VCL: variants seen among roughly 807,000 people sequenced by gnomAD.
VCL encodes the protein vinculin.
In VCL, 47 loss-of-function variants were observed where a neutral mutation model predicts 125.7. The ratio of observed to expected loss-of-function variants is 0.37; its 90% CI spans 0.30 to 0.48. The LOEUF is 0.48. Among genes scored for constraint, VCL ranks in the 20% least tolerant of loss-of-function variants. The pLI is 0.99. For synonymous variants in VCL, 458 were observed against 514.6 expected (o/e 0.89, Z 1.49); for missense variants, 1,069 against 1,455.5 (o/e 0.73, Z 4.32).
intron 8 of VCL, among the ~76,000 whole-genome samples, chr10:74,087,255 T>C (rs1311475032): frequency 6.6e-6 from 1 of 151,674 alleles, no homozygotes; most frequent in Non-Finnish European, 1.5e-5. Flanking sequence ...AATAAATGAA[T>C]GATTCATTAC....
rs201020802 is a variant in VCL, at chr10:74,072,856, C to G, written c.622+4C>G. 2.1e-5 allele frequency: 34 copies of G among 1,613,860 alleles called. No homozygotes were observed. The highest frequency in any genetic ancestry group is 1.6e-4 in the Middle Eastern group (1 of 6,084). Reference sequence around the variant, plus strand: ...TTGCTGCCAGTTCTCATTTCAGGTACTTCCTGCCTGTACTTTATTTTATAG... The same window carrying G: ...TTGCTGCCAGTTCTCATTTCAGGTAGTTCCTGCCTGTACTTTATTTTATAG... On this transcript the variant is annotated splice_donor_region_variant and intron_variant, in intron 5 of 21. Transcript: ENST00000211998.
At chr10:74,038,295 C>G (rs570158234) in intron 1 of VCL, among the ~76,000 whole-genome samples, 1 of 152,274 alleles carries the variant, frequency 6.6e-6, no homozygotes, top group South Asian at 2.1e-4. Flanking sequence ...TTGCACCTGG[C>G]CTATGCTGGG....
At chr10:74,096,976 T>C (rs1186984922) in intron 12 of VCL, among the ~76,000 whole-genome samples, 6 of 152,224 alleles carry the variant, frequency 3.9e-5, no homozygotes, top group African/African-American at 1.4e-4. Flanking sequence ...GAACAGTCTC[T>C]AGGGACATGT....
rs112060806 is a variant in VCL at position 74,069,065 on chromosome 10, C to T, written c.240-1605C>T. Among the ~76,000 whole-genome samples the T allele has an allele frequency of 3.7e-4, 54 of 145,958 alleles. 1 individual carries two copies. Among genetic ancestry groups the T allele is most frequent in the African/African-American group, 1.2e-3 (46 of 39,454 alleles). Reference sequence around the variant, plus strand: ...ATGTTTTTTTTTTTGTTTGTTTGTTCGTTTGTTTTGGAGACAGAGTCTAAC... The same window carrying T: ...ATGTTTTTTTTTTTGTTTGTTTGTTTGTTTGTTTTGGAGACAGAGTCTAAC... On this transcript the variant is annotated intron_variant, in intron 2 of 21. Coordinates refer to ENST00000211998, the MANE Select transcript of VCL (RefSeq NM_014000.3).
At chr10:74,005,278 GC>G (rs1840300870) in intron 1 of VCL, 1 of 151,732 alleles carries the variant, frequency 6.6e-6, no homozygotes, top group Non-Finnish European at 1.5e-5. Context: ...TTTTTGAGAT[GC>G]AGTCTCGCCC....
chr10:74,112,334 T>TG (rs138082058), intron 19 of VCL, among the ~76,000 whole-genome samples: 76 of 151,428 alleles, frequency 5.0e-4, no homozygotes, highest in East Asian at 2.7e-3. Flanking sequence ...TGAAGAGAGA[T>TG]GGGGGGGGTC....
chr10:74,009,801 G>T (rs1385514832), intron 1 of VCL, among the ~76,000 whole-genome samples: 5 of 150,648 alleles, frequency 3.3e-5, no homozygotes, highest in Non-Finnish European at 7.4e-5. Flanking sequence ...GTAGAGACGG[G>T]GTTTCACCTA....
In VCL at chr10:74,118,880, A is replaced by C. The variant is rs1215014540; in HGVS notation, c.*711A>C. On this transcript the variant is annotated 3_prime_UTR_variant, in exon 22 of 22. Transcript: ENST00000211998. The stretch of plus-strand genomic sequence containing the variant: ...TTCTGCTTTTACCATGCCCCTGAGC[A>C]ATGTCTGTGCTAGGGAAACTTCCCG... The C allele has an allele frequency of 6.5e-6, 1 of 154,666 alleles. No homozygotes were observed. The highest frequency in any genetic ancestry group is 2.4e-5 in the African/African-American group (1 of 41,438). 9.6% of individuals were successfully genotyped at this position (154,666 alleles called of 1,614,324 possible).
In VCL at chr10:74,097,217, G is replaced by A. The variant is rs774076269; in HGVS notation, c.1757G>A (p.Arg586Gln). 11 of 1,613,892 alleles carry A rather than the reference G, an allele frequency of 6.8e-6. No homozygotes were observed. The highest frequency in any genetic ancestry group is 4.5e-5 in the East Asian group (2 of 44,872). ...AATGTTTTTAAGGATCTAAAAGCTC[G>A]GATGCAGGAGGCCATGACTCAGGAA... ...LQDSLKDLKA[R>Q]MQEAMTQEVS... The change falls in exon 13 of 22, where the codon CGG becomes CAG. Residue 586 changes from arginine to glutamine, a missense_variant. Physicochemically the swap from Arg to Gln is conservative, Grantham distance 43. Transcript: ENST00000211998. This position sits in a 1 kb window ranked among gnomAD's most constrained non-coding sequence, Gnocchi z 4.1.
chr10:74,082,673 T>C (rs1340287923), intron 7 of VCL, 129 bp downstream of exon 7: 1 of 961,560 alleles, frequency 1.0e-6, no homozygotes, highest in African/African-American at 1.6e-5. Context: ...GCATACCCCA[T>C]TATCTGATAG....
intron 21 of VCL, among the ~76,000 whole-genome samples, chr10:74,117,765 A>G (rs997647402): frequency 1.3e-5 from 2 of 152,218 alleles, no homozygotes; most frequent in African/African-American, 2.4e-5. Context: ...AGGAAACAGC[A>G]AGTCCTGAGG....
chr10:74,085,173 G>A (rs980190953), intron 8 of VCL, among the ~76,000 whole-genome samples: 13 of 152,222 alleles, frequency 8.5e-5, no homozygotes, highest in South Asian at 4.1e-4. Context: ...GATTAAAGGC[G>A]TGAGCCACCA....
At chr10:74,060,849 T>C (rs1841469458) in intron 2 of VCL, among the ~76,000 whole-genome samples, 1 of 152,034 alleles carries the variant, frequency 6.6e-6, no homozygotes, top group Non-Finnish European at 1.5e-5. Context: ...CAAGGTCTTC[T>C]CCTAAATTGT....
At chr10:74,002,813 T>G (rs1591644471) in intron 1 of VCL, among the ~76,000 whole-genome samples, 2 of 140,702 alleles carry the variant, frequency 1.4e-5, no homozygotes, top group African/African-American at 5.4e-5. Flanking sequence ...ATCCGGGAGG[T>G]GGAGGTTGCA....
chr10:74,070,518 TA>T, intron 2 of VCL, 151 bp from the exon 3 acceptor site: 3 of 1,109,998 alleles, frequency 2.7e-6, no homozygotes, highest in Non-Finnish European at 4.0e-6. Flanking sequence ...TTGTAAAATC[TA>T]AAAACGTAGG....
chr10:74,000,659 C>T (rs1042065252), intron 1 of VCL, among the ~76,000 whole-genome samples: 3 of 152,012 alleles, frequency 2.0e-5, no homozygotes, highest in Non-Finnish European at 2.9e-5. Context: ...GTGATTTGCC[C>T]GCCTCGGCCT....
intron 6 of VCL, among the ~76,000 whole-genome samples, chr10:74,079,624 C>T (rs1377375737): frequency 6.6e-6 from 1 of 152,078 alleles, no homozygotes; most frequent in Admixed American, 6.6e-5. Context: ...ATGTCATATT[C>T]ATTGTTTGTA....
At chr10:74,030,785 A>T (rs570162074) in intron 1 of VCL, among the ~76,000 whole-genome samples, 5 of 152,206 alleles carry the variant, frequency 3.3e-5, no homozygotes, top group Non-Finnish European at 4.4e-5. Context: ...CTTGATTTTC[A>T]ACTCATTTAT....
chr10:74,114,424 T>C, intron 20 of VCL, 37 bp downstream of exon 20: 7 of 1,585,690 alleles, frequency 4.4e-6, no homozygotes, highest in Non-Finnish European at 5.2e-6. Flanking sequence ...TGTGTGTGTG[T>C]GTGTGTGTGT....
Sources: gnomAD v4.1 joint callset for allele counts (sites outside exome capture counted in the v4.1 genomes callset) on GRCh38, gnomAD v4.1.1 for gene constraint, Gnocchi (gnomAD v3.1) non-coding constraint, MANE v1.5 for transcripts, NCBI Gene and HGNC (gene_info 2026-07-23, HGNC 2026-07-21) for gene names.